Variants in DOK1 observed in about 807,000 individuals in gnomAD.
The protein encoded by DOK1 is docking protein 1.
In DOK1, 12 loss-of-function variants were observed where a neutral mutation model predicts 24.0. The observed-to-expected ratio is 0.50, with a 90% CI of 0.32 to 0.81. DOK1 has a LOEUF of 0.81. Among genes scored for constraint, DOK1 ranks in the 30% least tolerant of loss-of-function variants. DOK1 has a pLI of 0.03. For synonymous variants in DOK1, 250 were observed against 260.9 expected (o/e 0.96, Z 0.40); for missense variants, 591 against 620.7 (o/e 0.95, Z 0.51).
At chr2:74,550,501 C>A (rs1676936685), upstream of DOK1, among the ~76,000 whole-genome samples, 1 of 151,960 alleles carries the variant, frequency 6.6e-6, no homozygotes, top group Admixed American at 6.6e-5. Flanking sequence ...GGACAGGGGA[C>A]CCTGGCAGGG....
chr2:74,555,167 C>G lies in DOK1; in HGVS notation c.74C>G (p.Thr25Ser), dbSNP rs1677341691. The stretch of plus-strand genomic sequence containing the variant: ...CTCTCTCCCTAGAGGTGGAGGAAGA[C>G]CTGGGCCGTGCTCTACCCGGCCAGT... ...QRFGTKRWRK[T>S]WAVLYPASPH... is the part of the protein sequence containing the mutation. Residue 25 changes from threonine (T) to serine (S), a missense_variant, in exon 2 of 5, where the codon ACC (threonine) becomes AGC (serine). Coordinates refer to ENST00000233668, the MANE Select transcript of DOK1 (RefSeq NM_001381.5). The surrounding 1 kb of genome is among the most constrained non-coding windows in gnomAD (Gnocchi z 6.1). The G allele has an allele frequency of 7.4e-6, 12 of 1,612,336 alleles. No individual in the cohort carries two copies. Among genetic ancestry groups the G allele is most frequent in the Non-Finnish European group, 1.0e-5 (12 of 1,179,588 alleles).
rs761756530 is a variant in DOK1 at position 74,555,368 on chromosome 2, A to G, written c.275A>G (p.Asp92Gly). ...CCCGGCGCCACTGCCTTCCGCCTGGACACTGCTCAGCGCTCGCACCTGCTG... is the reference window on the plus strand; with the variant it reads ...CCCGGCGCCACTGCCTTCCGCCTGGGCACTGCTCAGCGCTCGCACCTGCTG... The part of the protein sequence containing the change: ...PEPGATAFRL[D>G]TAQRSHLLAA... The change falls in exon 2 of 5, where the codon GAC becomes GGC. Residue 92 changes from aspartate (D) to glycine (G), a missense_variant. Physicochemically the swap from Asp to Gly is moderately conservative, Grantham distance 94 (BLOSUM62 -1). Coordinates refer to ENST00000233668, the MANE Select transcript of DOK1 (RefSeq NM_001381.5). The surrounding 1 kb of genome is among the most constrained non-coding windows in gnomAD (Gnocchi z 6.1). 1 of 1,613,526 alleles carries G rather than the reference A, an allele frequency of 6.2e-7. No individual in the cohort carries two copies. The highest frequency in any genetic ancestry group is 8.5e-7 in the Non-Finnish European group (1 of 1,179,908).
At chr2:74,552,325 T>C (rs2104452549), upstream of DOK1, 1 of 1,597,312 alleles carries the variant, frequency 6.3e-7, no homozygotes, top group Non-Finnish European at 8.6e-7. Flanking sequence ...TGCTCACCTG[T>C]TCCAGGGCCA....
Position 74,556,233 on chromosome 2 carries a change from C to G in DOK1, c.640-75C>G, listed in dbSNP as rs1057051193. On this transcript the variant is annotated intron_variant, in intron 4 of 4. Coordinates refer to ENST00000233668, the MANE Select transcript of DOK1 (RefSeq NM_001381.5). The surrounding 1 kb of genome is among the most constrained non-coding windows in gnomAD (Gnocchi z 4.1). ...CAGGTGGTCTCTTCTTTGTAGATAC[C>G]CTAACTAGTGCAGGCGTGTGACTCA... 1.3e-6 allele frequency: 2 copies of G among 1,559,092 alleles called. No homozygotes were observed. Among genetic ancestry groups the G allele is most frequent in the African/African-American group, 2.7e-5 (2 of 73,492 alleles).
upstream of DOK1, chr2:74,554,700 C>T (rs1377997457): frequency 6.3e-7 from 1 of 1,587,772 alleles, no homozygotes; most frequent in Non-Finnish European, 8.6e-7. This position sits in a 1 kb window ranked among gnomAD's most constrained non-coding sequence, Gnocchi z 4.9. Flanking sequence ...GGCCCCGCCT[C>T]CCGCCCCGCC....
chr2:74,556,043 C>G lies in DOK1; in HGVS notation c.604C>G (p.Pro202Ala). Reference protein sequence around the residue: ...SQILEPLLSWPYTLLRRYGRD... With the variant: ...SQILEPLLSWAYTLLRRYGRD... ...GATACTGGAGCCACTCCTGTCCTGG[C>G]CCTACACTCTGTTGCGTCGCTATGG... Residue 202 changes from proline to alanine, a missense_variant, in exon 4 of 5, where the codon CCC (proline) becomes GCC (alanine). Pro to Ala is a conservative substitution (Grantham distance 27, BLOSUM62 -1). Transcript: ENST00000233668. The surrounding 1 kb of genome is among the most constrained non-coding windows in gnomAD (Gnocchi z 4.1). The G allele has an allele frequency of 6.2e-7, 1 of 1,608,512 alleles. No homozygotes were observed. The highest frequency in any genetic ancestry group is 8.5e-7 in the Non-Finnish European group (1 of 1,177,038).
chr2:74,552,580 G>A (rs768888102), upstream of DOK1: 1 of 1,602,114 alleles, frequency 6.2e-7, no homozygotes, highest in African/African-American at 1.3e-5. Context: ...GAACTGCACA[G>A]CAGGCACAGC....
Position 74,555,172 on chromosome 2 carries a change from G to A in DOK1, c.79G>A (p.Ala27Thr). The A allele has an allele frequency of 6.2e-7, 1 of 1,612,736 alleles. No homozygotes were observed. The highest frequency in any genetic ancestry group is 8.5e-7 in the Non-Finnish European group (1 of 1,179,762). Residue 27 changes from alanine to threonine, a missense_variant, in exon 2 of 5, where the codon GCC (alanine) becomes ACC (threonine). Ala to Thr is a moderately conservative substitution (Grantham distance 58, BLOSUM62 0). Coordinates refer to ENST00000233668, the MANE Select transcript of DOK1 (RefSeq NM_001381.5). The surrounding 1 kb of genome is among the most constrained non-coding windows in gnomAD (Gnocchi z 6.1). ...FGTKRWRKTWAVLYPASPHGV... is the reference protein window; with the variant it reads ...FGTKRWRKTWTVLYPASPHGV... ...TCCCTAGAGGTGGAGGAAGACCTGG[G>A]CCGTGCTCTACCCGGCCAGTCCCCA...
chr2:74,555,763 A>G lies in DOK1; in HGVS notation c.454+95A>G. 1 of 1,594,780 alleles carries G rather than the reference A, an allele frequency of 6.3e-7. No homozygotes were observed. Among genetic ancestry groups the G allele is most frequent in the South Asian group, 1.1e-5 (1 of 89,460 alleles). On this transcript the variant is annotated intron_variant, in intron 3 of 4. Transcript: ENST00000233668. This position sits in a 1 kb window ranked among gnomAD's most constrained non-coding sequence, Gnocchi z 6.1. ...GTGGATACCCAGGGGCCCATGGGGA[A>G]GTAAGAAGTAGGAAGGCCCTGAGAT...
In DOK1 at chr2:74,549,266, C is replaced by CG. The variant is rs1385157589; in HGVS notation, c.-358+97dup. The CG allele has an allele frequency of 1.5e-6, 2 of 1,322,240 alleles. No individual in the cohort carries two copies. Among genetic ancestry groups the CG allele is most frequent in the African/African-American group, 1.5e-5 (1 of 67,100 alleles). 81.9% of individuals were successfully genotyped at this position (1,322,240 alleles called of 1,614,324 possible). A position where few individuals can be genotyped will look rare whatever the true frequency, so the allele number is the denominator to read the frequency against. ...ATATTTTCCCGCGCGTCCCGACCCC[C>CG]GGGTCCTCCCGTGCCCCGGACCTGC... On this transcript the variant is annotated intron_variant, in intron 1 of 4. Coordinates refer to the DOK1 transcript ENST00000409429. The surrounding 1 kb of genome is among the most constrained non-coding windows in gnomAD (Gnocchi z 5.3).
chr2:74,549,287 C>G lies in DOK1; in HGVS notation c.-358+115C>G. 7.0e-7 allele frequency: 1 copy of G among 1,426,946 alleles called. No homozygotes were observed. Among genetic ancestry groups the G allele is most frequent in the African/African-American group, 1.4e-5 (1 of 69,708 alleles). 88.4% of individuals were successfully genotyped at this position (1,426,946 alleles called of 1,614,324 possible). A position where few individuals can be genotyped will look rare whatever the true frequency, so the allele number is the denominator to read the frequency against. On this transcript the variant is annotated intron_variant, in intron 1 of 4. Transcript: ENST00000409429. This position sits in a 1 kb window ranked among gnomAD's most constrained non-coding sequence, Gnocchi z 5.3. ...CCCCCGGGTCCTCCCGTGCCCCGGA[C>G]CTGCTCAGATGTCTCCCAAGGCTAT...
chr2:74,549,523 G>T lies in DOK1; in HGVS notation c.-358+351G>T. The T allele has an allele frequency of 6.2e-7, 1 of 1,613,322 alleles. No individual in the cohort carries two copies. Among genetic ancestry groups the T allele is most frequent in the South Asian group, 1.1e-5 (1 of 91,010 alleles). On this transcript the variant is annotated intron_variant, in intron 1 of 4. Transcript: ENST00000409429. The surrounding 1 kb of genome is among the most constrained non-coding windows in gnomAD (Gnocchi z 5.3). ...AGCCCCTCCGTCACGGGCAGGGGTC[G>T]TCTGCCCCACCCAACGGCGGGTCGA...
upstream of DOK1, chr2:74,553,061 G>A (rs1474947332): frequency 5.6e-6 from 1 of 178,242 alleles, no homozygotes; most frequent in Admixed American, 5.8e-5. Flanking sequence ...GAAAGTGATA[G>A]GCAAAGAACT....
At chr2:74,552,407 C>T (rs1677072654), upstream of DOK1, 1 of 1,613,632 alleles carries the variant, frequency 6.2e-7, no homozygotes, top group South Asian at 1.1e-5. Flanking sequence ...GGGCAGCCTG[C>T]AGCGTGAAGT....
upstream of DOK1, chr2:74,552,505 A>G: frequency 6.2e-7 from 1 of 1,613,664 alleles, no homozygotes. Flanking sequence ...GCCAGCCGGA[A>G]CCGAAGCCCC....
upstream of DOK1, chr2:74,550,291 C>A (rs1676920669): frequency 6.2e-7 from 1 of 1,614,066 alleles, no homozygotes; most frequent in Non-Finnish European, 8.5e-7. Context: ...CCGGGAGGCA[C>A]ATTCAGTCAC....
Position 74,555,451 on chromosome 2 carries a change from C to T in DOK1, c.358C>T (p.Pro120Ser), listed in dbSNP as rs1355644513. 1.2e-6 allele frequency: 2 copies of T among 1,608,968 alleles called. No homozygotes were observed. Among genetic ancestry groups the T allele is most frequent in the Admixed American group, 3.4e-5 (2 of 59,484 alleles). Residue 120 changes from proline (P) to serine (S), a missense_variant and splice_region_variant, in exon 2 of 5, where the codon CCG becomes TCG. Transcript: ENST00000233668. This position sits in a 1 kb window ranked among gnomAD's most constrained non-coding sequence, Gnocchi z 6.1. ...GCAGACGCTGTGCCGAAACGCCTTT[C>T]CGGTGAGGAGCTGCGGCGATGCGGG... is the stretch of plus-strand genomic sequence containing the variant. Reference protein sequence around the residue: ...WVQTLCRNAFPKGSWTLAPTD... With the variant: ...WVQTLCRNAFSKGSWTLAPTD...
At chr2:74,554,549 T>G (rs1023503334), upstream of DOK1, 1 of 571,884 alleles carries the variant, frequency 1.7e-6, no homozygotes, top group South Asian at 2.2e-5. This position sits in a 1 kb window ranked among gnomAD's most constrained non-coding sequence, Gnocchi z 4.9. Context: ...CGACGGCGGG[T>G]AGGGGCCTGG....
At chr2:74,554,637 C>G (rs1041611954), upstream of DOK1, 24 of 976,108 alleles carry the variant, frequency 2.5e-5, no homozygotes, top group East Asian at 1.0e-4. This position sits in a 1 kb window ranked among gnomAD's most constrained non-coding sequence, Gnocchi z 4.9. Context: ...CGCGACCCCC[C>G]CAGCGGCTGC....
Sources: allele counts gnomAD v4.1 joint callset (sites outside exome capture counted in the v4.1 genomes callset), GRCh38; gene constraint gnomAD v4.1.1; non-coding constraint Gnocchi (gnomAD v3.1); transcripts MANE v1.5; gene names NCBI Gene and HGNC (gene_info 2026-07-23, HGNC 2026-07-21).